The following MTHFD1L variants were observed in gnomAD, a reference collection of about 807,000 sequenced individuals.
MTHFD1L encodes monofunctional C1-tetrahydrofolate synthase, mitochondrial.
In MTHFD1L, 81 loss-of-function variants were observed where a neutral mutation model predicts 119.5. That is an observed-to-expected ratio of 0.68 (90% CI 0.57 to 0.82). The LOEUF is 0.82. Among genes scored for constraint, MTHFD1L ranks in the 40% least tolerant of loss-of-function variants. The probability of loss-of-function intolerance (pLI) is 0.00; values close to 1 mark genes in which losing one functional copy is unlikely to be tolerated. For missense variants in MTHFD1L, 1,125 were observed against 1,253.4 expected (o/e 0.90, Z 1.55); for synonymous variants, 430 against 475.2 (o/e 0.90, Z 1.24).
intron 26 of MTHFD1L, among the ~76,000 whole-genome samples, chr6:151,057,725 T>G (rs1342678526): frequency 2.0e-5 from 3 of 152,182 alleles, no homozygotes; most frequent in African/African-American, 7.2e-5. Context: ...TACCTTTTCT[T>G]TCTCAAAACA....
intron 26 of MTHFD1L, among the ~76,000 whole-genome samples, chr6:151,079,406 G>A (rs1443017624): frequency 6.6e-6 from 1 of 152,042 alleles, no homozygotes; most frequent in Non-Finnish European, 1.5e-5. Context: ...ATGCCACTGG[G>A]GGCAGGGCAG....
chr6:151,063,340 CTCTA>C (rs1790864102), intron 26 of MTHFD1L, among the ~76,000 whole-genome samples: 1 of 152,090 alleles, frequency 6.6e-6, no homozygotes, highest in Non-Finnish European at 1.5e-5. Flanking sequence ...TAGTCTCTCT[CTCTA>C]TATATATTAA....
At chr6:150,894,458 A>G (rs803422) in intron 7 of MTHFD1L, among the ~76,000 whole-genome samples, 120,287 of 152,042 alleles carry the variant, frequency 0.79, 48,386 homozygotes, top group East Asian at 1. Flanking sequence ...GTTCCAGAGA[A>G]AGGAGGGACT....
chr6:150,911,821 CA>C (rs1238330640), intron 8 of MTHFD1L, among the ~76,000 whole-genome samples: 18 of 152,108 alleles, frequency 1.2e-4, no homozygotes, highest in Non-Finnish European at 1.8e-4. Context: ...CAGGAAGATG[CA>C]AAAGCGGAAA....
intron 1 of MTHFD1L, among the ~76,000 whole-genome samples, chr6:150,873,608 C>T (rs1562291237): frequency 1.3e-5 from 2 of 152,144 alleles, no homozygotes; most frequent in Non-Finnish European, 2.9e-5. Context: ...TACCTGGACT[C>T]TGTTAAAAAT....
At chr6:150,929,443 C>T (rs1435383630) in intron 11 of MTHFD1L, among the ~76,000 whole-genome samples, 4 of 152,168 alleles carry the variant, frequency 2.6e-5, no homozygotes, top group Admixed American at 2.0e-4. Flanking sequence ...GTGCTTTACT[C>T]CATTTTGGGC....
chr6:150,905,149 G>A (rs557278494), intron 7 of MTHFD1L, among the ~76,000 whole-genome samples: 7 of 147,904 alleles, frequency 4.7e-5, no homozygotes, highest in Admixed American at 1.4e-4. Context: ...TTCTCGTGCT[G>A]TAGCCTCCTG....
chr6:150,951,538 A>G (rs1000225064), intron 16 of MTHFD1L, among the ~76,000 whole-genome samples: 10 of 152,152 alleles, frequency 6.6e-5, no homozygotes, highest in African/African-American at 2.2e-4. Flanking sequence ...ATTCATTTAT[A>G]TCATAAGCAT....
At chr6:150,880,717 C>G (rs1031439349) in intron 4 of MTHFD1L, among the ~76,000 whole-genome samples, 2 of 152,192 alleles carry the variant, frequency 1.3e-5, no homozygotes, top group Non-Finnish European at 2.9e-5. Context: ...TGCATTCCCA[C>G]CAACAGTGTA....
intron 21 of MTHFD1L, among the ~76,000 whole-genome samples, chr6:151,013,411 T>C (rs1467660538): frequency 6.6e-6 from 1 of 152,242 alleles, no homozygotes; most frequent in African/African-American, 2.4e-5. Context: ...TGATGTACTC[T>C]GTATAAATCA....
intron 20 of MTHFD1L, among the ~76,000 whole-genome samples, chr6:150,972,300 T>G (rs1798093698): frequency 6.6e-6 from 1 of 152,186 alleles, no homozygotes; most frequent in Admixed American, 6.5e-5. Context: ...CTCTGACTCT[T>G]GCAAACTGAG....
At chr6:151,000,302 A>C (rs1346143578) in intron 20 of MTHFD1L, among the ~76,000 whole-genome samples, 2 of 150,168 alleles carry the variant, frequency 1.3e-5, no homozygotes, top group Non-Finnish European at 1.5e-5. Flanking sequence ...GTGCCACTGC[A>C]CTCCAGCCTG....
intron 17 of MTHFD1L, chr6:150,959,253 G>A (rs1562455435): frequency 2.1e-6 from 2 of 944,748 alleles, no homozygotes; most frequent in Non-Finnish European, 2.5e-6. Flanking sequence ...TGTCAGTGAT[G>A]GAAATGGATA....
chr6:150,930,155 A>G (rs57372177), intron 11 of MTHFD1L, among the ~76,000 whole-genome samples: 1,388 of 129,756 alleles, frequency 0.011, 19 homozygotes, highest in African/African-American at 0.046. Context: ...CTATAACCCA[A>G]TTACTCTGGA....
intron 20 of MTHFD1L, chr6:150,984,946 G>T (rs1018543215): frequency 6.6e-6 from 1 of 152,138 alleles, no homozygotes; most frequent in Non-Finnish European, 1.5e-5. Context: ...CAATTGCCTG[G>T]TTTTGAATTG....
chr6:150,873,242 G>T (rs1439651631), intron 1 of MTHFD1L, among the ~76,000 whole-genome samples: 3 of 152,052 alleles, frequency 2.0e-5, no homozygotes, highest in African/African-American at 7.2e-5. Flanking sequence ...TTGAACCTGG[G>T]AGATGGAGGT....
chr6:151,050,546 C>T (rs961723723), intron 26 of MTHFD1L, among the ~76,000 whole-genome samples: 48 of 152,152 alleles, frequency 3.2e-4, no homozygotes, highest in Admixed American at 2.9e-3. Context: ...TAATCAAACC[C>T]AAAGAGGGGA....
intron 26 of MTHFD1L, among the ~76,000 whole-genome samples, chr6:151,077,561 A>G (rs1792659567): frequency 6.6e-6 from 1 of 152,148 alleles, no homozygotes; most frequent in Non-Finnish European, 1.5e-5. Flanking sequence ...CGCATCTGTA[A>G]TCCTAGCTAC....
At chr6:151,015,738 C>T in intron 24 of MTHFD1L, 45 bp downstream of exon 24, 1 of 1,588,080 alleles carries the variant, frequency 6.3e-7, no homozygotes, top group Non-Finnish European at 8.6e-7. Context: ...TACACCTTAG[C>T]ATGGGTTGTC....
Sources: gnomAD v4.1 joint callset for allele counts (sites outside exome capture counted in the v4.1 genomes callset) on GRCh38, gnomAD v4.1.1 for gene constraint, MANE v1.5 for transcripts, NCBI Gene and HGNC (gene_info 2026-07-23, HGNC 2026-07-21) for gene names.